The following SV2C variants were observed in gnomAD, a reference collection of about 807,000 sequenced individuals.
The protein encoded by SV2C is solute carrier family 22 member B3.
Under a neutral mutation model 79.7 loss-of-function variants are expected in SV2C, and 49 were observed. The observed-to-expected ratio is 0.61, with a 90% CI of 0.49 to 0.78. SV2C has a LOEUF of 0.78. Ranked by LOEUF, SV2C falls within the 30% of genes least tolerant of loss-of-function variation. SV2C has a pLI of 0.00. For missense variants in SV2C, 833 were observed against 912.9 expected, an observed-to-expected ratio of 0.91 and a Z score of 1.13; for synonymous variants, 334 against 333.2, an observed-to-expected ratio of 1.00 and a Z score of -0.03.
the SV2C span, among the ~76,000 whole-genome samples, chr5:75,916,192 T>TCTCCTCCTCTTCCTC: frequency 2.6e-5 from 4 of 151,998 alleles, no homozygotes; most frequent in Non-Finnish European, 5.9e-5. Context: ...TTCTTTTTCT[T>TCTCCTCCTCTTCCTC]CTCCTCCTCT....
chr5:76,308,410 C>T (rs1748285318), intron 12 of SV2C, among the ~76,000 whole-genome samples: 1 of 152,164 alleles, frequency 6.6e-6, no homozygotes, highest in African/African-American at 2.4e-5. Context: ...GATGGCATCC[C>T]AATGGTAGTG....
chr5:75,874,666 C>T, the SV2C span, among the ~76,000 whole-genome samples: 16 of 152,034 alleles, frequency 1.1e-4, no homozygotes, highest in East Asian at 3.9e-4. Flanking sequence ...CCCATAGTCT[C>T]GGCCCAAAAA....
chr5:76,302,407 C>T (rs1271606763), intron 12 of SV2C, among the ~76,000 whole-genome samples: 2 of 151,978 alleles, frequency 1.3e-5, no homozygotes, highest in Admixed American at 1.3e-4. Flanking sequence ...GGCAGATCAC[C>T]TGAGGTCAGG....
chr5:76,056,772 T>C, the SV2C span, among the ~76,000 whole-genome samples: 13 of 152,016 alleles, frequency 8.6e-5, no homozygotes, highest in Non-Finnish European at 4.4e-5. Context: ...CCATTTCTTC[T>C]AGATTATCTA....
At chr5:76,229,741 T>C (rs1245270276) in intron 4 of SV2C, among the ~76,000 whole-genome samples, 5 of 152,226 alleles carry the variant, frequency 3.3e-5, no homozygotes, top group African/African-American at 1.2e-4. Flanking sequence ...AAGCCCTCCC[T>C]CTTTCTCAAA....
intron 2 of SV2C, among the ~76,000 whole-genome samples, chr5:76,157,394 C>T (rs553671502): frequency 1.3e-5 from 2 of 152,026 alleles, no homozygotes; most frequent in Admixed American, 1.3e-4. Flanking sequence ...AACAGATCTG[C>T]CTTACAAGAA....
chr5:75,924,741 T>G, the SV2C span, among the ~76,000 whole-genome samples: 2 of 148,980 alleles, frequency 1.3e-5, no homozygotes, highest in East Asian at 3.9e-4. Flanking sequence ...ATTAGGCCTT[T>G]CTTTGAAAAT....
the SV2C span, among the ~76,000 whole-genome samples, chr5:75,915,799 G>A: frequency 6.6e-6 from 1 of 152,222 alleles, no homozygotes; most frequent in Admixed American, 6.5e-5. Context: ...GGCCAGGAAT[G>A]TGGTCAAGAT....
At chr5:75,949,567 T>C in the SV2C span, among the ~76,000 whole-genome samples, 1 of 152,022 alleles carries the variant, frequency 6.6e-6, no homozygotes, top group East Asian at 1.9e-4. Flanking sequence ...AGCTGGATCA[T>C]AGGGGAAGTT....
chr5:76,013,171 C>T, the SV2C span, among the ~76,000 whole-genome samples: 1 of 152,160 alleles, frequency 6.6e-6, no homozygotes, highest in African/African-American at 2.4e-5. Context: ...ATGGGGATAG[C>T]ATTGAATCTA....
At chr5:76,163,347 T>C (rs1003175398) in intron 2 of SV2C, among the ~76,000 whole-genome samples, 2 of 152,232 alleles carry the variant, frequency 1.3e-5, no homozygotes, top group African/African-American at 4.8e-5. Context: ...TCAAGAAATG[T>C]TTGTGGAATA....
chr5:76,131,155 A>G (rs1377801600), intron 1 of SV2C, among the ~76,000 whole-genome samples: 1 of 152,188 alleles, frequency 6.6e-6, no homozygotes, highest in Non-Finnish European at 1.5e-5. Flanking sequence ...ATATAGCTAT[A>G]GTTTGATTGA....
At chr5:76,093,219 T>C (rs1747437025) in intron 1 of SV2C, among the ~76,000 whole-genome samples, 1 of 152,134 alleles carries the variant, frequency 6.6e-6, no homozygotes, top group Non-Finnish European at 1.5e-5. Flanking sequence ...CTTCCAGTCA[T>C]AACTATCTCC....
the SV2C span, chr5:75,920,903 C>T: frequency 1.3e-6 from 1 of 745,328 alleles, no homozygotes; most frequent in Admixed American, 1.8e-5. Context: ...TCAGCAGGCC[C>T]TGCAGGCCCT....
the SV2C span, among the ~76,000 whole-genome samples, chr5:76,041,259 A>T: frequency 6.6e-6 from 1 of 152,246 alleles, no homozygotes; most frequent in South Asian, 2.1e-4. Context: ...CTAGAAGGCC[A>T]GGTTCAAATG....
intron 11 of SV2C, 62 bp downstream of exon 11, chr5:76,300,994 TC>T: frequency 6.4e-7 from 1 of 1,573,816 alleles, no homozygotes. Flanking sequence ...GGACCCTGTT[TC>T]CCCCTGTACT....
chr5:76,299,125 G>A (rs959053253), intron 10 of SV2C, among the ~76,000 whole-genome samples, 198 bp downstream of exon 10: 2 of 152,170 alleles, frequency 1.3e-5, no homozygotes, highest in African/African-American at 4.8e-5. Context: ...AATGGAGCTT[G>A]CCAAAGTTCA....
the SV2C span, chr5:75,921,219 G>A: frequency 8.7e-7 from 1 of 1,146,750 alleles, no homozygotes; most frequent in East Asian, 2.3e-5. Flanking sequence ...GCCGAGATGT[G>A]GTCAGTGGGA....
chr5:76,197,644 T>C (rs893581343), intron 3 of SV2C, among the ~76,000 whole-genome samples: 1 of 151,210 alleles, frequency 6.6e-6, no homozygotes, highest in South Asian at 2.1e-4. Flanking sequence ...GAAATCTATA[T>C]TGGTCAGCAT....
Sources: allele counts gnomAD v4.1 joint callset (sites outside exome capture counted in the v4.1 genomes callset), GRCh38; gene constraint gnomAD v4.1.1; transcripts MANE v1.5; gene names NCBI Gene and HGNC (gene_info 2026-07-23, HGNC 2026-07-21).